The following SPOP variants were observed in gnomAD, a reference collection of about 807,000 sequenced individuals.
SPOP encodes the protein speckle type BTB/POZ protein.
Under a neutral mutation model 45.6 loss-of-function variants are expected in SPOP, and 11 were observed. The observed-to-expected ratio is 0.24, with a 90% confidence interval of 0.15 to 0.40. The LOEUF (loss-of-function observed/expected upper bound fraction) is 0.40. Ranked by LOEUF, SPOP falls within the 10% of genes least tolerant of loss-of-function variation. The pLI is 1.00. For missense variants in SPOP, 152 were observed against 465.6 expected (o/e 0.33, Z 6.20); for synonymous variants, 166 against 166.3 (o/e 1.00, Z 0.01).
intron 1 of SPOP, among the ~76,000 whole-genome samples, chr17:49,635,632 C>CTTTTTTT (rs11451249): frequency 8.2e-6 from 1 of 121,656 alleles, no homozygotes; most frequent in Admixed American, 9.2e-5. Context: ...AGGTATCTCT[C>CTTTTTTT]TTTTTTTTTT....
At chr17:49,647,304 A>C (rs1270750839) in intron 1 of SPOP, among the ~76,000 whole-genome samples, 1 of 115,012 alleles carries the variant, frequency 8.7e-6, no homozygotes, top group Non-Finnish European at 1.7e-5. Flanking sequence ...AGTGAGTGAG[A>C]TGCCGTCTTA....
intron 1 of SPOP, among the ~76,000 whole-genome samples, chr17:49,638,897 C>T (rs2072594557): frequency 6.6e-6 from 1 of 152,184 alleles, no homozygotes; most frequent in Non-Finnish European, 1.5e-5. Context: ...TTTATAATCC[C>T]AGCTACTTGG....
intron 2 of SPOP, 93 bp downstream of exon 2, chr17:49,622,640 G>C (rs1452302364): frequency 9.2e-7 from 1 of 1,084,054 alleles, no homozygotes; most frequent in Non-Finnish European, 1.4e-6. Context: ...TCCAGAGAAA[G>C]CAAGAAGCCC....
intron 6 of SPOP, among the ~76,000 whole-genome samples, chr17:49,610,530 A>G (rs984706141): frequency 6.6e-6 from 1 of 152,138 alleles, no homozygotes; most frequent in African/African-American, 2.4e-5. Context: ...TTCCTTGAGT[A>G]TTACACAGTA....
chr17:49,641,774 C>A (rs868004146), intron 1 of SPOP, among the ~76,000 whole-genome samples: 11 of 152,246 alleles, frequency 7.2e-5, no homozygotes, highest in African/African-American at 2.4e-4. Flanking sequence ...AAAATCCCAG[C>A]GCTTTGGGAG....
chr17:49,654,436 A>G (rs1277048802), intron 1 of SPOP, among the ~76,000 whole-genome samples: 2 of 152,258 alleles, frequency 1.3e-5, no homozygotes. Context: ...GGCATGTAGT[A>G]GATACTGAAT....
chr17:49,631,893 T>C (rs2143375846), intron 1 of SPOP, among the ~76,000 whole-genome samples: 1 of 152,364 alleles, frequency 6.6e-6, no homozygotes, highest in East Asian at 1.9e-4. Flanking sequence ...CTTCCACTTC[T>C]AGCCTATTCC....
intron 1 of SPOP, among the ~76,000 whole-genome samples, chr17:49,653,766 A>AAG (rs1242606576): frequency 6.6e-6 from 1 of 150,938 alleles, no homozygotes; most frequent in Non-Finnish European, 1.5e-5. Flanking sequence ...AGACCAAAAA[A>AAG]AGAGAAAGTC....
intron 5 of SPOP, among the ~76,000 whole-genome samples, chr17:49,612,535 T>C (rs2071996099): frequency 6.6e-6 from 1 of 152,242 alleles, no homozygotes; most frequent in South Asian, 2.1e-4. Flanking sequence ...AAGCATGTTT[T>C]AACCAGTTCA....
intron 1 of SPOP, among the ~76,000 whole-genome samples, chr17:49,634,046 T>C (rs1390340587): frequency 6.9e-6 from 1 of 144,824 alleles, no homozygotes; most frequent in African/African-American, 2.5e-5. Flanking sequence ...AAAGAGAAAA[T>C]AGAGTTCCTC....
chr17:49,611,626 C>T (rs918832453), intron 5 of SPOP, among the ~76,000 whole-genome samples, 169 bp from the exon 6 acceptor site: 4 of 152,136 alleles, frequency 2.6e-5, no homozygotes, highest in African/African-American at 9.7e-5. Context: ...TCAAGTAACT[C>T]CTTTTCTGTC....
rs1289358875 is a variant in SPOP at position 49,622,736 on chromosome 17, T to C, written c.75A>G (p.Thr25=). The change falls in exon 2 of 10, where the codon ACA becomes ACG. Residue 25 remains threonine (T), a synonymous_variant. Coordinates refer to ENST00000504102, the MANE Select transcript of SPOP (RefSeq NM_001007228.2). ...CAGGCTGAAAACTTCAACTTACCTG[T>C]GTGTAGCACCAACTCTCAGCTACGG... ...SGPVAESWCY[T]QIKVVKFSYM... is the part of the protein sequence containing the mutation. 3.1e-6 allele frequency: 5 copies of C among 1,614,018 alleles called. No individual in the cohort carries two copies. Among genetic ancestry groups the C allele is most frequent in the East Asian group, 4.5e-5 (2 of 44,872 alleles).
intron 1 of SPOP, among the ~76,000 whole-genome samples, chr17:49,649,617 G>A (rs958926734): frequency 1.3e-4 from 19 of 151,610 alleles, no homozygotes; most frequent in Admixed American, 2.6e-4. Context: ...CAGATCAAGA[G>A]GTCAGATCGA....
At chr17:49,636,439 G>C (rs2072544326) in intron 1 of SPOP, 1 of 152,074 alleles carries the variant, frequency 6.6e-6, no homozygotes, top group Admixed American at 6.5e-5. Flanking sequence ...CCTATATCTA[G>C]AAATCACCAG....
At chr17:49,658,010 C>G (rs2072938189) in intron 1 of SPOP, among the ~76,000 whole-genome samples, 1 of 151,880 alleles carries the variant, frequency 6.6e-6, no homozygotes. Flanking sequence ...CATCACAGCA[C>G]AATTTATAAG....
chr17:49,611,255 A>T, intron 6 of SPOP, 25 bp downstream of exon 6: 1 of 1,598,214 alleles, frequency 6.3e-7, no homozygotes, highest in Non-Finnish European at 8.5e-7. Context: ...CAAAACTATA[A>T]AATTCCTCAT....
chr17:49,664,701 G>A (rs1482914306), intron 1 of SPOP, among the ~76,000 whole-genome samples: 1 of 152,126 alleles, frequency 6.6e-6, no homozygotes, highest in African/African-American at 2.4e-5. Context: ...ACCCGCAACT[G>A]AAGTTGAACC....
At chr17:49,669,450 TG>T (rs1334966604) in intron 1 of SPOP, among the ~76,000 whole-genome samples, 2 of 144,584 alleles carry the variant, frequency 1.4e-5, no homozygotes, top group African/African-American at 5.1e-5. Context: ...AAAAGCAAGT[TG>T]TAGTACGGAA....
chr17:49,658,695 A>G (rs148098292), intron 1 of SPOP, among the ~76,000 whole-genome samples: 1 of 152,348 alleles, frequency 6.6e-6, no homozygotes, highest in East Asian at 1.9e-4. Context: ...AAGGTGGACC[A>G]TCACCACCAC....
Sources: allele counts gnomAD v4.1 joint callset (sites outside exome capture counted in the v4.1 genomes callset), GRCh38; gene constraint gnomAD v4.1.1; transcripts MANE v1.5; gene names NCBI Gene and HGNC (gene_info 2026-07-23, HGNC 2026-07-21).